Variants in SLC35D4 observed in about 807,000 individuals in gnomAD.
SLC35D4 encodes the protein solute carrier family 35 member D4, also known as UDP-N-acetylglucosamine transporter SLC35D4.
the SLC35D4 span, among the ~76,000 whole-genome samples, chr18:23,384,003 G>C: frequency 7.9e-6 from 1 of 126,914 alleles, no homozygotes; most frequent in Non-Finnish European, 1.6e-5. Flanking sequence ...CCAAAAATTG[G>C]GGGGGGGGGG....
At chr18:23,290,354 G>A in the SLC35D4 span, among the ~76,000 whole-genome samples, 1 of 152,244 alleles carries the variant, frequency 6.6e-6, no homozygotes, top group African/African-American at 2.4e-5. Flanking sequence ...CTGCGGGGAA[G>A]GGGGTGGTGT....
At chr18:23,257,342 A>G in the SLC35D4 span, 3 of 1,611,246 alleles carry the variant, frequency 1.9e-6, no homozygotes, top group Non-Finnish European at 2.5e-6. Context: ...ATGCCCCACT[A>G]CAGACGGCTG....
chr18:23,371,945 T>TTGTTTTTTTTTTG, the SLC35D4 span, among the ~76,000 whole-genome samples: 47 of 73,316 alleles, frequency 6.4e-4, 2 homozygotes, highest in East Asian at 2.7e-3. Flanking sequence ...GTTTTTTTTT[T>TTGTTTTTTTTTTG]TTTTTTTTGA....
At chr18:23,375,114 CA>C in the SLC35D4 span, among the ~76,000 whole-genome samples, 22 of 130,144 alleles carry the variant, frequency 1.7e-4, no homozygotes, top group Admixed American at 6.2e-4. Context: ...GACTCCATCT[CA>C]AAAAAAAAAT....
chr18:23,250,758 CTATG>C, the SLC35D4 span, among the ~76,000 whole-genome samples: 1 of 152,310 alleles, frequency 6.6e-6, no homozygotes, highest in South Asian at 2.1e-4. Flanking sequence ...GCCAGAAAGA[CTATG>C]TATCAGAGGA....
the SLC35D4 span, among the ~76,000 whole-genome samples, chr18:23,347,190 C>T: frequency 3.3e-5 from 5 of 152,118 alleles, no homozygotes; most frequent in African/African-American, 1.2e-4. Context: ...TTTTTATTTA[C>T]TTGTTATGGA....
the SLC35D4 span, among the ~76,000 whole-genome samples, chr18:23,401,470 G>A: frequency 6.6e-6 from 1 of 152,210 alleles, no homozygotes; most frequent in Non-Finnish European, 1.5e-5. Flanking sequence ...GAGAAAGGAA[G>A]ATCCCATCCT....
chr18:23,301,512 C>T, the SLC35D4 span, among the ~76,000 whole-genome samples: 1 of 152,160 alleles, frequency 6.6e-6, no homozygotes, highest in Non-Finnish European at 1.5e-5. Context: ...TCTAAAGACC[C>T]TCAGTGTTGG....
At chr18:23,422,060 C>T in the SLC35D4 span, among the ~76,000 whole-genome samples, 1 of 152,102 alleles carries the variant, frequency 6.6e-6, no homozygotes, top group Non-Finnish European at 1.5e-5. Context: ...TGATGATTCC[C>T]AAATCCCCGT....
the SLC35D4 span, among the ~76,000 whole-genome samples, chr18:23,332,273 G>A: frequency 6.6e-6 from 1 of 152,128 alleles, no homozygotes; most frequent in Non-Finnish European, 1.5e-5. Context: ...CCCTGTGGAA[G>A]AGTACAATTC....
the SLC35D4 span, among the ~76,000 whole-genome samples, chr18:23,241,190 T>G: frequency 1.3e-5 from 2 of 152,218 alleles, no homozygotes; most frequent in Non-Finnish European, 2.9e-5. Flanking sequence ...CATGTGAGAT[T>G]TCCCCATGTC....
the SLC35D4 span, among the ~76,000 whole-genome samples, chr18:23,325,755 AAG>A: frequency 1.3e-5 from 2 of 152,180 alleles, no homozygotes; most frequent in Admixed American, 6.5e-5. Flanking sequence ...CTCTTCATGA[AAG>A]CTAAATATAT....
the SLC35D4 span, among the ~76,000 whole-genome samples, chr18:23,260,861 C>G: frequency 3.0e-4 from 46 of 152,208 alleles, no homozygotes; most frequent in African/African-American, 1.0e-3. Context: ...TAAAAAGCAG[C>G]TTCCAGTCAT....
At chr18:23,305,267 C>G in the SLC35D4 span, among the ~76,000 whole-genome samples, 1 of 152,344 alleles carries the variant, frequency 6.6e-6, no homozygotes, top group East Asian at 1.9e-4. Context: ...TATCTACATA[C>G]TCTTTAGGGA....
chr18:23,406,404 G>A, the SLC35D4 span, among the ~76,000 whole-genome samples: 1 of 152,150 alleles, frequency 6.6e-6, no homozygotes, highest in Non-Finnish European at 1.5e-5. Flanking sequence ...TGTGACCTTC[G>A]TGGTGTTAAA....
the SLC35D4 span, among the ~76,000 whole-genome samples, chr18:23,360,586 A>G: frequency 1.3e-5 from 2 of 152,204 alleles, no homozygotes; most frequent in African/African-American, 2.4e-5. Context: ...ATGGTAACAG[A>G]TATCAGATCC....
chr18:23,297,753 G>T, the SLC35D4 span: 5 of 437,870 alleles, frequency 1.1e-5, no homozygotes, highest in African/African-American at 1.0e-4. Flanking sequence ...ATGGGAAGAT[G>T]TAACAGACCG....
the SLC35D4 span, chr18:23,399,561 C>T: frequency 5.0e-6 from 8 of 1,613,678 alleles, no homozygotes; most frequent in South Asian, 1.1e-5. Flanking sequence ...ACCTCTAATA[C>T]TTACCAGTCT....
the SLC35D4 span, chr18:23,253,031 T>A: frequency 1.2e-6 from 2 of 1,613,818 alleles, no homozygotes; most frequent in East Asian, 4.5e-5. Flanking sequence ...AGGAGAAGTT[T>A]CCTCACATTA....
Sources: gnomAD v4.1 joint callset for allele counts (sites outside exome capture counted in the v4.1 genomes callset) on GRCh38, gnomAD v4.1.1 for gene constraint, MANE v1.5 for transcripts, NCBI Gene and HGNC (gene_info 2026-07-23, HGNC 2026-07-21) for gene names.